Variants in TRDN observed in about 807,000 individuals in gnomAD.
The protein encoded by TRDN is triadin in skeletal muscle.
TRDN carries 161 observed loss-of-function variants against 149.7 expected under a neutral mutation model. The observed-to-expected ratio is 1.08, with a 90% CI of 0.95 to 1.23. TRDN has a LOEUF of 1.23. TRDN is among the 50% of genes most tolerant of loss of function. TRDN has a pLI of 0.00. For synonymous variants in TRDN, 294 were observed against 250.5 expected, an observed-to-expected ratio of 1.17 and a Z score of -1.64; for missense variants, 896 against 823.5, an observed-to-expected ratio of 1.09 and a Z score of -1.08.
intron 9 of TRDN, among the ~76,000 whole-genome samples, chr6:123,490,521 T>C (rs1378841945): frequency 6.6e-6 from 1 of 152,214 alleles, no homozygotes; most frequent in East Asian, 1.9e-4. Flanking sequence ...TTACTGAAAC[T>C]GCAAATAGCA....
chr6:123,314,115 C>T (rs2114694798), intron 24 of TRDN, among the ~76,000 whole-genome samples: 1 of 152,132 alleles, frequency 6.6e-6, no homozygotes, highest in Non-Finnish European at 1.5e-5. Context: ...GCAAGTCTAA[C>T]ATCCAGCATC....
chr6:123,306,839 T>C (rs1178823734), intron 24 of TRDN, among the ~76,000 whole-genome samples: 1 of 152,080 alleles, frequency 6.6e-6, no homozygotes, highest in African/African-American at 2.4e-5. Flanking sequence ...TCTTTATATC[T>C]TTATTTTTAC....
chr6:123,489,322 A>T, intron 9 of TRDN, among the ~76,000 whole-genome samples: 1 of 152,114 alleles, frequency 6.6e-6, no homozygotes, highest in East Asian at 1.9e-4. Flanking sequence ...ATTCAAAAAA[A>T]CAAAAAACAC....
intron 5 of TRDN, among the ~76,000 whole-genome samples, chr6:123,529,978 C>T (rs1780155751): frequency 6.6e-6 from 1 of 151,996 alleles, no homozygotes; most frequent in African/African-American, 2.4e-5. Flanking sequence ...TTACTGGATT[C>T]AGTTCAGCTG....
At chr6:123,549,856 G>C (rs1221041920) in intron 2 of TRDN, among the ~76,000 whole-genome samples, 1 of 151,988 alleles carries the variant, frequency 6.6e-6, no homozygotes, top group Non-Finnish European at 1.5e-5. Flanking sequence ...GTGTGGCTGT[G>C]ATGTGAGAGA....
At chr6:123,616,342 T>G (rs1785081745) in intron 1 of TRDN, among the ~76,000 whole-genome samples, 1 of 151,766 alleles carries the variant, frequency 6.6e-6, no homozygotes, top group Non-Finnish European at 1.5e-5. Flanking sequence ...AAAACGAAAA[T>G]TATATCCATA....
chr6:123,250,896 C>T (rs1366013418), intron 38 of TRDN, among the ~76,000 whole-genome samples: 2 of 152,092 alleles, frequency 1.3e-5, no homozygotes, highest in Admixed American at 6.6e-5. Flanking sequence ...GTGCTTACTT[C>T]CCACTTCTTT....
chr6:123,285,875 A>G (rs1777785249), intron 24 of TRDN, among the ~76,000 whole-genome samples: 1 of 152,148 alleles, frequency 6.6e-6, no homozygotes, highest in African/African-American at 2.4e-5. Context: ...ACATGAACAA[A>G]TAATTCTCAA....
chr6:123,488,057 T>C (rs1778049589), intron 9 of TRDN, among the ~76,000 whole-genome samples: 1 of 152,194 alleles, frequency 6.6e-6, no homozygotes, highest in South Asian at 2.1e-4. Flanking sequence ...TATCCTCTAC[T>C]ATGCTGAGCC....
At chr6:123,606,164 A>G (rs1784518494) in intron 1 of TRDN, among the ~76,000 whole-genome samples, 1 of 152,186 alleles carries the variant, frequency 6.6e-6, no homozygotes, top group Admixed American at 6.6e-5. Context: ...GTAGAATGAG[A>G]AAGACCGTAA....
chr6:123,476,020 A>G (rs1335396522), intron 9 of TRDN, among the ~76,000 whole-genome samples: 1 of 131,788 alleles, frequency 7.6e-6, no homozygotes, highest in Non-Finnish European at 1.6e-5. Flanking sequence ...GCCCTCTCTC[A>G]CCACTCCTAT....
chr6:123,286,440 A>T (rs910089342), intron 24 of TRDN, among the ~76,000 whole-genome samples: 1 of 152,084 alleles, frequency 6.6e-6, no homozygotes, highest in African/African-American at 2.4e-5. Flanking sequence ...AAAGCCAAAC[A>T]TTGTATGTTC....
At chr6:123,580,864 ACT>A (rs1263536132) in intron 1 of TRDN, among the ~76,000 whole-genome samples, 1 of 151,776 alleles carries the variant, frequency 6.6e-6, no homozygotes, top group Non-Finnish European at 1.5e-5. Context: ...ACTTGAAGAA[ACT>A]CTCTTTAAAT....
rs543383592 is a variant in TRDN, at chr6:123,472,399, G to A, written c.854-7416C>T. 7.2e-5 allele frequency among the ~76,000 whole-genome samples: 11 copies of A among 152,338 alleles called. No individual in the cohort carries two copies. The South Asian group carries it at 1.2e-3, about 17-fold the overall frequency. On this transcript the variant is annotated intron_variant, in intron 9 of 40. Coordinates refer to ENST00000334268, the MANE Select transcript of TRDN (RefSeq NM_006073.4). The stretch of plus-strand genomic sequence containing the variant: ...AGGCTTAAAAAACGGCGCACCACAA[G>A]ATTATATCCCACACCTGGCTCGGAG...
rs138309787 is a variant in TRDN at position 123,579,012 on chromosome 6, T to C, written c.23-7880A>G. On this transcript the variant is annotated intron_variant, in intron 1 of 40. Coordinates refer to ENST00000334268, the MANE Select transcript of TRDN (RefSeq NM_006073.4). The stretch of plus-strand genomic sequence containing the variant: ...TGTACATTACTTTGTATTCTGACAT[T>C]TTGCTGAAGTTGTTTATCAGCTTAA... Among the ~76,000 whole-genome samples, 221 of 152,274 alleles carry C rather than the reference T, an allele frequency of 1.5e-3. 7 individuals are homozygous for C. The highest frequency in any genetic ancestry group is 0.013 in the Admixed American group (204 of 15,284).
chr6:123,633,327 C>T (rs906508610), intron 1 of TRDN, among the ~76,000 whole-genome samples: 1 of 151,964 alleles, frequency 6.6e-6, no homozygotes, highest in African/African-American at 2.4e-5. Context: ...GTGTAGGCTC[C>T]AATAACAACC....
intron 1 of TRDN, among the ~76,000 whole-genome samples, chr6:123,594,353 T>G (rs1783927918): frequency 6.6e-6 from 1 of 152,044 alleles, no homozygotes. Flanking sequence ...AAATCAATAT[T>G]TGTGGATGCC....
At chr6:123,557,735 G>C (rs1781751232) in intron 2 of TRDN, among the ~76,000 whole-genome samples, 1 of 151,768 alleles carries the variant, frequency 6.6e-6, no homozygotes, top group Non-Finnish European at 1.5e-5. Flanking sequence ...CGCTTTTCTG[G>C]GGGGCAAGCA....
intron 9 of TRDN, among the ~76,000 whole-genome samples, chr6:123,467,898 T>C (rs1201695519): frequency 2.6e-5 from 4 of 152,202 alleles, no homozygotes; most frequent in Non-Finnish European, 4.4e-5. Context: ...CACATGGGTA[T>C]TAAGCGATAG....
Sources: gnomAD v4.1 joint callset for allele counts (sites outside exome capture counted in the v4.1 genomes callset) on GRCh38, gnomAD v4.1.1 for gene constraint, MANE v1.5 for transcripts, NCBI Gene and HGNC (gene_info 2026-07-23, HGNC 2026-07-21) for gene names.